LARP1: variants seen among roughly 807,000 people sequenced by gnomAD.
LARP1 encodes the protein La ribonucleoprotein 1, translational regulator.
LARP1 carries 36 observed loss-of-function variants against 122.7 expected under a neutral mutation model. The ratio of observed to expected loss-of-function variants is 0.29; its 90% confidence interval spans 0.22 to 0.39. The LOEUF is 0.39. Ranked by LOEUF, LARP1 falls within the 10% of genes least tolerant of loss-of-function variation. LARP1 has a pLI of 1.00. For synonymous variants in LARP1, 539 were observed against 528.7 expected (o/e 1.02, Z -0.27); for missense variants, 1,040 against 1,403.6 (o/e 0.74, Z 4.14).
At position 154,793,858 on chromosome 5, in the gene LARP1, G is replaced by A. The variant is rs1561611765; in HGVS notation, c.927G>A (p.Glu309=). The part of the protein sequence containing the change: ...VAPPTPAWQP[E]IKPEPAWHDQ... Reference sequence around the variant, plus strand: ...CCCCCACCCCAGCCTGGCAACCAGAGATCAAACCGGAGCCTGCCTGGCACG... The same window carrying A: ...CCCCCACCCCAGCCTGGCAACCAGAAATCAAACCGGAGCCTGCCTGGCACG... The change falls in exon 6 of 19, where the codon GAG becomes GAA. Residue 309 remains glutamate, a synonymous_variant. Transcript: ENST00000518297. 35 of 1,614,216 alleles carry A rather than the reference G, an allele frequency of 2.2e-5. No individual in the cohort carries two copies. Among genetic ancestry groups the A allele is most frequent in the Non-Finnish European group, 3.0e-5 (35 of 1,180,024 alleles).
intron 8 of LARP1, among the ~76,000 whole-genome samples, chr5:154,797,140 G>A (rs990104367): frequency 6.6e-6 from 1 of 150,542 alleles, no homozygotes; most frequent in Non-Finnish European, 1.5e-5. Flanking sequence ...TTGCTACTTG[G>A]TTGGTCATTC....
intron 1 of LARP1, among the ~76,000 whole-genome samples, chr5:154,777,358 A>AG (rs923430564): frequency 6.6e-6 from 1 of 151,962 alleles, no homozygotes; most frequent in African/African-American, 2.4e-5. Context: ...TAAAAAAAAA[A>AG]AAAAATGCAA....
chr5:154,805,931 C>G lies in LARP1; in HGVS notation c.2597C>G (p.Pro866Arg). 6.2e-7 allele frequency: 1 copy of G among 1,614,200 alleles called. No individual in the cohort carries two copies. The highest frequency in any genetic ancestry group is 8.5e-7 in the Non-Finnish European group (1 of 1,180,030). The change falls in exon 15 of 19, where the codon CCT (proline) becomes CGT (arginine). Residue 866 changes from proline to arginine, a missense_variant. By Grantham distance (103) the Pro-to-Arg change is moderately radical. Around this residue, in one of 8 missense-constraint regions of LARP1, gnomAD observed 59 missense variants for 137.2 expected, o/e 0.43. Coordinates refer to ENST00000518297, the MANE Select transcript of LARP1 (RefSeq NM_033551.3). ...TPTVGSYGCTPQSLPKFQHPS... is the reference protein window; with the variant it reads ...TPTVGSYGCTRQSLPKFQHPS... ...ACAGTTGGCAGCTATGGCTGTACCC[C>G]TCAGTCATTGCCCAAGTTCCAGCAT...
rs544763954 is a variant in LARP1 at position 154,701,135 on chromosome 5, G to T, written c.-180+18098G>T. Among the ~76,000 whole-genome samples, 493 of 152,098 alleles carry T rather than the reference G, an allele frequency of 3.2e-3. 1 individual carries two copies. Among genetic ancestry groups the T allele is most frequent in the Non-Finnish European group, 5.0e-3 (339 of 67,992 alleles). On this transcript the variant is annotated intron_variant, in intron 1 of 18. Coordinates refer to the LARP1 transcript ENST00000687700. ...GAGTTGGTGTTTTCTTTTGTTTTTT[G>T]TTTGTTTGTTTGTTTTTTGTCTTAA...
intron 1 of LARP1, among the ~76,000 whole-genome samples, chr5:154,760,569 G>GC (rs1342693337): frequency 6.6e-6 from 1 of 152,128 alleles, no homozygotes; most frequent in Non-Finnish European, 1.5e-5. Flanking sequence ...GACATTATGT[G>GC]CCTTACAGTG....
chr5:154,794,073 C>T (rs1582432643), intron 6 of LARP1, 27 bp from the exon 7 acceptor site: 1 of 1,613,192 alleles, frequency 6.2e-7, no homozygotes, highest in African/African-American at 1.3e-5. Context: ...AATCTCCTCT[C>T]CCTCATGGCA....
chr5:154,703,120 CAAAAA>C (rs757446137), intron 1 of LARP1, among the ~76,000 whole-genome samples: 2 of 38,760 alleles, frequency 5.2e-5, no homozygotes, highest in African/African-American at 7.9e-5. Flanking sequence ...GACGCTGTCT[CAAAAA>C]AAAAAAAAAA....
intron 1 of LARP1, among the ~76,000 whole-genome samples, chr5:154,733,388 T>C (rs781173141): frequency 1.3e-5 from 2 of 151,662 alleles, no homozygotes; most frequent in Non-Finnish European, 2.9e-5. Flanking sequence ...GAAATGGGGG[T>C]CTGGCTATGT....
At chr5:154,721,167 A>T (rs748051224) in intron 1 of LARP1, among the ~76,000 whole-genome samples, 1 of 151,826 alleles carries the variant, frequency 6.6e-6, no homozygotes, top group Non-Finnish European at 1.5e-5. Context: ...ACATAGTGCA[A>T]CCTCGTCTCT....
intron 1 of LARP1, among the ~76,000 whole-genome samples, chr5:154,769,888 C>T (rs1410353351): frequency 6.6e-6 from 1 of 152,138 alleles, no homozygotes; most frequent in Non-Finnish European, 1.5e-5. Context: ...GGTGGTGAAC[C>T]TTCTAACCTG....
chr5:154,803,234 G>GGCT lies in LARP1; in HGVS notation c.2110-55_2110-53dup. Reference sequence around the variant, plus strand: ...CCTGCCAGTCTTGATTCCTTAAACAGGCTAGAGCAGCCTGCTTACTTACAT... The same window carrying GGCT: ...CCTGCCAGTCTTGATTCCTTAAACAGGCTGCTAGAGCAGCCTGCTTACTTACAT... On this transcript the variant is annotated intron_variant, in intron 11 of 18. Coordinates refer to ENST00000518297, the MANE Select transcript of LARP1 (RefSeq NM_033551.3). This position sits in a 1 kb window ranked among gnomAD's most constrained non-coding sequence, Gnocchi z 4.4. The GGCT allele has an allele frequency of 6.2e-7, 1 of 1,612,688 alleles. No individual in the cohort carries two copies. The highest frequency in any genetic ancestry group is 8.5e-7 in the Non-Finnish European group (1 of 1,178,818).
chr5:154,777,982 A>T (rs778128188), intron 1 of LARP1, among the ~76,000 whole-genome samples: 8 of 152,046 alleles, frequency 5.3e-5, no homozygotes, highest in Non-Finnish European at 1.2e-4. Context: ...GAAGTGCAGG[A>T]TGGGTGCGGT....
intron 1 of LARP1, among the ~76,000 whole-genome samples, chr5:154,778,576 A>G (rs933599835): frequency 5.9e-5 from 9 of 152,222 alleles, no homozygotes; most frequent in African/African-American, 2.2e-4. Context: ...ATCAATGGGT[A>G]TAAGGACAAA....
chr5:154,755,164 C>T (rs1477574571), upstream of LARP1, among the ~76,000 whole-genome samples: 5 of 151,308 alleles, frequency 3.3e-5, no homozygotes, highest in African/African-American at 1.2e-4. Context: ...TCTGAGGAAT[C>T]GGAGACGAGG....
intron 1 of LARP1, among the ~76,000 whole-genome samples, chr5:154,739,165 G>A (rs142452524): frequency 0.012 from 1,805 of 151,924 alleles, 33 homozygotes; most frequent in African/African-American, 0.042. Context: ...ACAGGCACCC[G>A]CCAACACGCC....
chr5:154,795,465 C>T (rs1757673952), intron 8 of LARP1, 146 bp downstream of exon 8: 7 of 715,936 alleles, frequency 9.8e-6, no homozygotes. Flanking sequence ...TCCTCCTCTC[C>T]CTCCTTCCTT....
intron 1 of LARP1, among the ~76,000 whole-genome samples, chr5:154,693,251 C>T (rs924207371): frequency 2.0e-5 from 3 of 152,126 alleles, no homozygotes; most frequent in African/African-American, 7.2e-5. Context: ...AATCCTCCCA[C>T]CTCAGCCTCC....
At chr5:154,700,506 T>G (rs974451549) in intron 1 of LARP1, among the ~76,000 whole-genome samples, 2 of 151,752 alleles carry the variant, frequency 1.3e-5, no homozygotes, top group African/African-American at 4.8e-5. Flanking sequence ...CACTCCAGCC[T>G]GGGCAACAGA....
rs766447417 is a variant in LARP1, at chr5:154,817,216, C to T, written c.*3120C>T. ...CCTCCTGAATGGAACCCCAGAGTACCTCCTGTGTGGAAGGGTCCCTGGATT... is the reference window on the plus strand; with the variant it reads ...CCTCCTGAATGGAACCCCAGAGTACTTCCTGTGTGGAAGGGTCCCTGGATT... On this transcript the variant is annotated 3_prime_UTR_variant, in exon 19 of 19. Coordinates refer to ENST00000518297, the MANE Select transcript of LARP1 (RefSeq NM_033551.3). 6.6e-6 allele frequency: 1 copy of T among 152,192 alleles called. No individual in the cohort carries two copies. The highest frequency in any genetic ancestry group is 6.5e-5 in the Admixed American group (1 of 15,278). 9.4% of individuals were successfully genotyped at this position (152,192 alleles called of 1,614,324 possible).
Sources: allele counts gnomAD v4.1 joint callset (sites outside exome capture counted in the v4.1 genomes callset), GRCh38; gene constraint gnomAD v4.1.1; regional missense constraint gnomAD v4.1.1; non-coding constraint Gnocchi (gnomAD v3.1); transcripts MANE v1.5; gene names NCBI Gene and HGNC (gene_info 2026-07-23, HGNC 2026-07-21).